Variants in SMCO2 observed in about 807,000 individuals in gnomAD.
SMCO2 encodes the protein single-pass membrane protein with coiled-coil domains 2.
Under a neutral mutation model 29.5 loss-of-function variants are expected in SMCO2, and 25 were observed. That is an observed-to-expected ratio of 0.85 (90% CI 0.62 to 1.18). The LOEUF is 1.18. Among genes scored for constraint, SMCO2 ranks in the 50% most tolerant of loss-of-function variants. The pLI is 0.00. For synonymous variants in SMCO2, 117 were observed against 123.3 expected (o/e 0.95, Z 0.34); for missense variants, 348 against 344.5 (o/e 1.01, Z -0.08).
intron 1 of SMCO2, among the ~76,000 whole-genome samples, chr12:27,467,447 C>T (rs1298098605): frequency 6.6e-6 from 1 of 150,820 alleles, no homozygotes; most frequent in Admixed American, 6.6e-5. Context: ...AAAAGGCAGA[C>T]ATTGGTTCAA....
rs374498421 is a variant in SMCO2, at chr12:27,501,964, C to G, written c.725C>G (p.Thr242Ser). 6.5e-6 allele frequency: 10 copies of G among 1,546,346 alleles called. No homozygotes were observed. The African/African-American group carries it at 1.3e-4, about 20-fold the overall frequency. ...ATTTTCATCATGTTTGATGTCCTCA[C>G]CGTCACTGGACTTTTATGTTACATA... Residue 242 changes from threonine to serine, a missense_variant, in exon 8 of 8, where the codon ACC becomes AGC. Coordinates refer to ENST00000298876, the Ensembl canonical transcript of SMCO2.
the SMCO2 span, among the ~76,000 whole-genome samples, chr12:27,457,464 G>A: frequency 1.3e-5 from 2 of 152,150 alleles, no homozygotes; most frequent in Admixed American, 1.3e-4. Flanking sequence ...ATAGTCTCAC[G>A]TGGTTGGTAT....
chr12:27,441,786 A>G, the SMCO2 span, among the ~76,000 whole-genome samples: 2 of 152,238 alleles, frequency 1.3e-5, no homozygotes, highest in Non-Finnish European at 2.9e-5. Flanking sequence ...TCTTTTCATC[A>G]GCACATGGAA....
In SMCO2 at chr12:27,501,415, C is replaced by CAA. The variant is rs540673188; in HGVS notation, c.684-487_684-486dup. 3.4e-3 allele frequency among the ~76,000 whole-genome samples: 293 copies of CAA among 85,700 alleles called. 4 individuals carry two copies. The highest frequency in any genetic ancestry group is 5.9e-3 in the African/African-American group (124 of 20,922). The allele number at this position is 85,700 out of a possible 152,430, so 56.2% of individuals were successfully genotyped here. ...TGGGCGAAAGAGTGAGACTCCGTCT[C>CAA]AAAAAAAAAAAAAAAAAAAAAACAA... On this transcript the variant is annotated intron_variant, in intron 7 of 7. Transcript: ENST00000298876.
intron 3 of SMCO2, among the ~76,000 whole-genome samples, chr12:27,473,469 C>T (rs1949558701): frequency 6.6e-6 from 1 of 152,118 alleles, no homozygotes; most frequent in Admixed American, 6.5e-5. Context: ...GATCTTATAT[C>T]AAGATTCTTA....
chr12:27,482,217 A>G (rs953278622), intron 4 of SMCO2, among the ~76,000 whole-genome samples: 1 of 152,068 alleles, frequency 6.6e-6, no homozygotes, highest in Admixed American at 6.6e-5. Flanking sequence ...TTCATTTTCA[A>G]TCAGCTCAGA....
At chr12:27,490,462 G>C (rs1238835524) in intron 5 of SMCO2, among the ~76,000 whole-genome samples, 1 of 152,118 alleles carries the variant, frequency 6.6e-6, no homozygotes, top group Admixed American at 6.5e-5. Flanking sequence ...GAATGCATTT[G>C]TCAAAATTCA....
chr12:27,481,981 G>A (rs1949647190), intron 4 of SMCO2, among the ~76,000 whole-genome samples: 1 of 148,098 alleles, frequency 6.8e-6, no homozygotes, highest in African/African-American at 2.5e-5. Context: ...TGTTTTTCTG[G>A]CTTTTTGAAA....
chr12:27,482,417 C>T (rs1234420466), intron 4 of SMCO2, among the ~76,000 whole-genome samples: 2 of 152,200 alleles, frequency 1.3e-5, no homozygotes. Context: ...TTCTCCTGCT[C>T]AGCCTCTCGA....
chr12:27,429,672 C>T, the SMCO2 span, among the ~76,000 whole-genome samples: 1 of 152,176 alleles, frequency 6.6e-6, no homozygotes, highest in South Asian at 2.1e-4. Flanking sequence ...TATTATGAAG[C>T]ATTTAGGATG....
intron 7 of SMCO2, among the ~76,000 whole-genome samples, chr12:27,498,940 C>G (rs1565684539): frequency 6.6e-6 from 1 of 150,520 alleles, no homozygotes; most frequent in Non-Finnish European, 1.5e-5. Context: ...CAGACAATAA[C>G]TAGCATTGGA....
intron 6 of SMCO2, among the ~76,000 whole-genome samples, chr12:27,494,998 T>C (rs1413782737): frequency 6.6e-6 from 1 of 152,086 alleles, no homozygotes; most frequent in Non-Finnish European, 1.5e-5. Flanking sequence ...TTGAGACCTC[T>C]CCTAATTTCC....
chr12:27,425,243 C>G, the SMCO2 span: 6 of 151,584 alleles, frequency 4.0e-5, no homozygotes, highest in African/African-American at 1.2e-4. Flanking sequence ...TATAATTACT[C>G]ATTTGTAGTT....
the SMCO2 span, among the ~76,000 whole-genome samples, chr12:27,427,397 C>T: frequency 3.3e-5 from 5 of 152,090 alleles, no homozygotes; most frequent in African/African-American, 9.7e-5. Context: ...CTTTGAGAAC[C>T]GCTGATCTTG....
At chr12:27,427,282 C>T in the SMCO2 span, among the ~76,000 whole-genome samples, 1 of 152,294 alleles carries the variant, frequency 6.6e-6, no homozygotes, top group East Asian at 1.9e-4. Flanking sequence ...TATGGGTCTC[C>T]TCACGCCCAT....
chr12:27,472,121 G>T (rs140981483), intron 2 of SMCO2, among the ~76,000 whole-genome samples: 4 of 152,156 alleles, frequency 2.6e-5, no homozygotes, highest in Non-Finnish European at 4.4e-5. Flanking sequence ...AAACGAAGCC[G>T]CTCTGTATGT....
chr12:27,489,076 TCTCA>T (rs1391572014), intron 5 of SMCO2, among the ~76,000 whole-genome samples: 2 of 151,880 alleles, frequency 1.3e-5, no homozygotes, highest in African/African-American at 2.4e-5. Context: ...TGAGACAGAG[TCTCA>T]CTCTGTTGCC....
Position 27,502,179 on chromosome 12 carries a change from T to C in SMCO2, c.*58T>C, listed in dbSNP as rs1272417770. Reference sequence around the variant, plus strand: ...TCTCACCAGTAAACATTGTGGCTGTTCCTGTATTGTGGTGGCTAACTTATT... The same window carrying C: ...TCTCACCAGTAAACATTGTGGCTGTCCCTGTATTGTGGTGGCTAACTTATT... On this transcript the variant is annotated 3_prime_UTR_variant, in exon 8 of 8. Transcript: ENST00000298876. 25 of 1,345,106 alleles carry C rather than the reference T, an allele frequency of 1.9e-5. No individual in the cohort carries two copies. The East Asian group carries it at 6.5e-4, about 35-fold the overall frequency. The allele number at this position is 1,345,106 out of a possible 1,614,324, so 83.3% of individuals were successfully genotyped here. A position where few individuals can be genotyped will look rare whatever the true frequency, so the allele number is the denominator to read the frequency against.
chr12:27,448,413 A>G, the SMCO2 span, among the ~76,000 whole-genome samples: 1 of 152,194 alleles, frequency 6.6e-6, no homozygotes, highest in East Asian at 1.9e-4. Flanking sequence ...GTTGAAATAG[A>G]AAGGGTGGCC....
Sources: allele counts gnomAD v4.1 joint callset (sites outside exome capture counted in the v4.1 genomes callset), GRCh38; gene constraint gnomAD v4.1.1; transcripts MANE v1.5; gene names NCBI Gene and HGNC (gene_info 2026-07-23, HGNC 2026-07-21).